Variants in CCND1 observed in about 807,000 individuals in gnomAD.
CCND1 encodes the protein cyclin D1.
A neutral mutation model predicts 26.1 loss-of-function variants in CCND1; 9 were observed. The ratio of observed to expected loss-of-function variants is 0.35; its 90% CI spans 0.21 to 0.60. The LOEUF (loss-of-function observed/expected upper bound fraction) is 0.60, where lower values mean the gene tolerates loss of function less well. Among genes scored for constraint, CCND1 ranks in the 20% least tolerant of loss-of-function variants. The pLI is 0.79. For missense variants in CCND1, 335 were observed against 392.9 expected, an observed-to-expected ratio of 0.85 and a Z score of 1.25; for synonymous variants, 194 against 166.1, an observed-to-expected ratio of 1.17 and a Z score of -1.29.
In CCND1 at chr11:69,653,333, A is replaced by C; in HGVS notation, c.*2051A>C. Reference sequence around the variant, plus strand: ...CATTGTTTGCTGCTATTGGAGGATCAGTTTTTTGTTTTACAATGTCATATA... The same window carrying C: ...CATTGTTTGCTGCTATTGGAGGATCCGTTTTTTGTTTTACAATGTCATATA... On this transcript the variant is annotated 3_prime_UTR_variant, in exon 5 of 5. Transcript: ENST00000227507. The C allele has an allele frequency of 1.4e-6, 1 of 701,950 alleles. No individual in the cohort carries two copies. Among genetic ancestry groups the C allele is most frequent in the Non-Finnish European group, 2.6e-6 (1 of 384,836 alleles). 43.5% of individuals were successfully genotyped at this position (701,950 alleles called of 1,614,324 possible).
At chr11:69,643,678 A>C in intron 2 of CCND1, 154 bp from the exon 3 acceptor site, 1 of 650,736 alleles carries the variant, frequency 1.5e-6, no homozygotes, top group Non-Finnish European at 2.6e-6. Context: ...AGCATTCGCC[A>C]GCCCTCCCCT....
At chr11:69,645,732 G>A (rs1225505071) in intron 3 of CCND1, among the ~76,000 whole-genome samples, 2 of 152,236 alleles carry the variant, frequency 1.3e-5, no homozygotes, top group Non-Finnish European at 2.9e-5. Context: ...AGGTGGAGGC[G>A]TGGGAAAGAG....
Position 69,653,527 on chromosome 11 carries a change from CAGCGGGCAGGTTCTGCCTGCTTT to C in CCND1, c.*2246_*2268del. On this transcript the variant is annotated 3_prime_UTR_variant, in exon 5 of 5. Transcript: ENST00000227507. ...ATGCTTCACTTAGCCATGGTGGACC[CAGCGGGCAGGTTCTGCCTGCTTT>C]GGCGGGCAGACACGCGGGCGCGATC... 1.8e-6 allele frequency: 1 copy of C among 557,298 alleles called. No individual in the cohort carries two copies. The highest frequency in any genetic ancestry group is 3.1e-6 in the Non-Finnish European group (1 of 318,914). The allele number at this position is 557,298 out of a possible 1,614,324, so 34.5% of individuals were successfully genotyped here.
At position 69,643,909 on chromosome 11, in the gene CCND1, C is replaced by A. The variant is rs200535370; in HGVS notation, c.492C>A (p.Phe164Leu). The change falls in exon 3 of 5, where the codon TTC becomes TTA. Residue 164 changes from phenylalanine to leucine, a missense_variant. Physicochemically the swap from Phe to Leu is conservative, Grantham distance 22 (BLOSUM62 0). Coordinates refer to ENST00000227507, the MANE Select transcript of CCND1 (RefSeq NM_053056.3). ...AMTPHDFIEH[F>L]LSKMPEAEEN... The stretch of plus-strand genomic sequence containing the variant: ...CCCCGCACGATTTCATTGAACACTT[C>A]CTCTCCAAAATGCCAGAGGCGGAGG... 1 of 1,613,688 alleles carries A rather than the reference C, an allele frequency of 6.2e-7. No homozygotes were observed. The highest frequency in any genetic ancestry group is 8.5e-7 in the Non-Finnish European group (1 of 1,180,004).
chr11:69,644,156 T>C (rs1014929050), intron 3 of CCND1, 165 bp downstream of exon 3: 3 of 697,334 alleles, frequency 4.3e-6, no homozygotes, highest in Non-Finnish European at 7.6e-6. Flanking sequence ...AGGCCCTGGA[T>C]TGTTTGTCGC....
At chr11:69,645,180 T>A (rs1348534354) in intron 3 of CCND1, among the ~76,000 whole-genome samples, 1 of 151,268 alleles carries the variant, frequency 6.6e-6, no homozygotes, top group Non-Finnish European at 1.5e-5. Context: ...GGGTCTGGGG[T>A]GGGGGGGCAT....
At position 69,643,842 on chromosome 11, in the gene CCND1, TG is replaced by T; in HGVS notation, c.426del (p.Leu143SerfsTer3). The T allele has an allele frequency of 6.2e-7, 1 of 1,609,160 alleles. No individual in the cohort carries two copies. Among genetic ancestry groups the T allele is most frequent in the Non-Finnish European group, 8.5e-7 (1 of 1,176,516 alleles). On this transcript the variant is annotated frameshift_variant, in exon 3 of 5. Coordinates refer to ENST00000227507, the MANE Select transcript of CCND1 (RefSeq NM_053056.3). LOFTEE classifies it high-confidence loss of function. ...IRPEELLQMELLLVNKLKWNL... is the reference protein window; with the variant it reads ...IRPEELLQMEXLLVNKLKWNL... The stretch of plus-strand genomic sequence containing the variant: ...ACCCTGTGTTCGCAGCAAATGGAGC[TG>T]CTCCTGGTGAACAAGCTCAAGTGGA...
intron 4 of CCND1, 50 bp from the exon 5 acceptor site, chr11:69,651,068 C>T (rs370815503): frequency 3.2e-6 from 5 of 1,571,402 alleles, no homozygotes; most frequent in Non-Finnish European, 4.3e-6. Flanking sequence ...CGCTGCAGGC[C>T]CCTTCTAAGG....
chr11:69,648,269 C>T, intron 4 of CCND1, 127 bp downstream of exon 4: 1 of 1,042,044 alleles, frequency 9.6e-7, no homozygotes, highest in Non-Finnish European at 1.4e-6. Context: ...GGGCTGGGCC[C>T]CTCGGACCCC....
At chr11:69,644,996 G>A (rs961859844) in intron 3 of CCND1, among the ~76,000 whole-genome samples, 7 of 152,174 alleles carry the variant, frequency 4.6e-5, no homozygotes, top group Admixed American at 6.5e-5. Flanking sequence ...CTACTTCAGA[G>A]CTCCCTTCTG....
At position 69,654,334 on chromosome 11, in the gene CCND1, G is replaced by A. The variant is rs980834196; in HGVS notation, c.*3052G>A. The A allele has an allele frequency of 2.9e-6, 2 of 701,386 alleles. No homozygotes were observed. Among genetic ancestry groups the A allele is most frequent in the Non-Finnish European group, 2.6e-6 (1 of 385,000 alleles). 43.4% of individuals were successfully genotyped at this position (701,386 alleles called of 1,614,324 possible). A position where few individuals can be genotyped will look rare whatever the true frequency, so the allele number is the denominator to read the frequency against. ...CTGTCCTGTGACGCGCAAGTCTGAG[G>A]GTCTGGGCGGCGGGCGGCTGGGTCT... On this transcript the variant is annotated 3_prime_UTR_variant, in exon 5 of 5. Coordinates refer to ENST00000227507, the MANE Select transcript of CCND1 (RefSeq NM_053056.3). This position sits in a 1 kb window ranked among gnomAD's most constrained non-coding sequence, Gnocchi z 6.3.
intron 3 of CCND1, among the ~76,000 whole-genome samples, chr11:69,646,512 A>T (rs1855783085): frequency 6.6e-6 from 1 of 152,052 alleles, no homozygotes; most frequent in African/African-American, 2.4e-5. Context: ...GTCGGCTCCC[A>T]TTCAGCTCCC....
chr11:69,643,641 G>T, intron 2 of CCND1, 191 bp from the exon 3 acceptor site: 2 of 543,164 alleles, frequency 3.7e-6, no homozygotes, highest in East Asian at 6.1e-5. Context: ...CTGGGATTGC[G>T]TGTTGCCCCA....
chr11:69,641,469 C>G lies in CCND1; in HGVS notation c.156C>G (p.Val52=), dbSNP rs2930976. The change falls in exon 1 of 5, where the codon GTC becomes GTG. Residue 52 remains valine, a synonymous_variant. Coordinates refer to ENST00000227507, the MANE Select transcript of CCND1 (RefSeq NM_053056.3). ...ACTTCAAATGTGTGCAGAAGGAGGT[C>G]CTGCCGTCCATGCGGAAGATCGTCG... ...VSYFKCVQKE[V]LPSMRKIVAT... 1.2e-6 allele frequency: 2 copies of G among 1,613,232 alleles called. No homozygotes were observed. Among genetic ancestry groups the G allele is most frequent in the East Asian group, 2.2e-5 (1 of 44,888 alleles).
At chr11:69,643,581 T>C (rs1855739958) in intron 2 of CCND1, 1 of 458,030 alleles carries the variant, frequency 2.2e-6, no homozygotes, top group East Asian at 3.6e-5. Context: ...GGTCTTTTTG[T>C]TTCCACTTGC....
At chr11:69,642,270 G>A (rs1590912814) in intron 1 of CCND1, among the ~76,000 whole-genome samples, 1 of 152,238 alleles carries the variant, frequency 6.6e-6, no homozygotes, top group Non-Finnish European at 1.5e-5. Context: ...CGTCTGCAGG[G>A]ATATCGGCTT....
intron 1 of CCND1, among the ~76,000 whole-genome samples, 193 bp from the exon 2 acceptor site, chr11:69,642,838 A>G (rs1855726167): frequency 7.0e-6 from 1 of 141,994 alleles, no homozygotes; most frequent in Admixed American, 6.9e-5. Context: ...TTTCCCTTTC[A>G]GTTTCGGGGA....
At position 69,653,421 on chromosome 11, in the gene CCND1, T is replaced by G. The variant is rs1336475576; in HGVS notation, c.*2139T>G. ...GTATTACAGATGCCTTTTTTGTAGTTTTTTTTTTTTTTATGTGATCAATTT... is the reference window on the plus strand; with the variant it reads ...GTATTACAGATGCCTTTTTTGTAGTGTTTTTTTTTTTTATGTGATCAATTT... On this transcript the variant is annotated 3_prime_UTR_variant, in exon 5 of 5. Transcript: ENST00000227507. The G allele has an allele frequency of 1.8e-6, 1 of 566,802 alleles. No homozygotes were observed. Among genetic ancestry groups the G allele is most frequent in the Non-Finnish European group, 3.1e-6 (1 of 322,866 alleles). 35.1% of individuals were successfully genotyped at this position (566,802 alleles called of 1,614,324 possible).
rs1340638486 is a variant in CCND1 at position 69,648,157 on chromosome 11, T to C, written c.723+15T>C. The C allele has an allele frequency of 3.1e-6, 5 of 1,613,210 alleles. No homozygotes were observed. Among genetic ancestry groups the C allele is most frequent in the African/African-American group, 1.3e-5 (1 of 74,924 alleles). ...AGTGTGACCCGGTAAGTGAGGGTGA[T>C]GTCCCAGGCAGCCTTGCCGGGGCTT... On this transcript the variant is annotated intron_variant, in intron 4 of 4. Transcript: ENST00000227507.
Sources: gnomAD v4.1 joint callset for allele counts (sites outside exome capture counted in the v4.1 genomes callset) on GRCh38, gnomAD v4.1.1 for gene constraint, Gnocchi (gnomAD v3.1) non-coding constraint, MANE v1.5 for transcripts, NCBI Gene and HGNC (gene_info 2026-07-23, HGNC 2026-07-21) for gene names.